The following NAALADL2 variants were observed in gnomAD, a reference collection of about 807,000 sequenced individuals.
NAALADL2 encodes inactive N-acetylated-alpha-linked acidic dipeptidase-like protein 2.
In NAALADL2, 76 loss-of-function variants were observed where a neutral mutation model predicts 87.2. That is an observed-to-expected ratio of 0.87 (90% CI 0.72 to 1.05). NAALADL2 has a LOEUF of 1.05. Ranked by LOEUF, NAALADL2 falls within the 50% of genes least tolerant of loss-of-function variation. NAALADL2 has a pLI of 0.00. For synonymous variants in NAALADL2, 354 were observed against 331.0 expected (o/e 1.07, Z -0.75); for missense variants, 1,089 against 945.8 (o/e 1.15, Z -1.99).
chr3:175,167,787 C>T (rs920557651), intron 2 of NAALADL2, among the ~76,000 whole-genome samples: 2 of 152,028 alleles, frequency 1.3e-5, no homozygotes, highest in Non-Finnish European at 1.5e-5. Flanking sequence ...TTTTCTCAGG[C>T]CAGACTTTCC....
At chr3:175,802,315 A>G (rs1250134347) in intron 13 of NAALADL2, among the ~76,000 whole-genome samples, 1 of 140,062 alleles carries the variant, frequency 7.1e-6, no homozygotes, top group Non-Finnish European at 1.5e-5. Context: ...ATGCTTTGTG[A>G]TTGATTTTTT....
intron 1 of NAALADL2, among the ~76,000 whole-genome samples, chr3:174,520,528 A>G (rs1948863415): frequency 6.6e-6 from 1 of 152,120 alleles, no homozygotes; most frequent in Non-Finnish European, 1.5e-5. Flanking sequence ...ATGAAACTGA[A>G]CCCGTATCTC....
At chr3:174,948,539 T>C (rs1414872637) in intron 1 of NAALADL2, among the ~76,000 whole-genome samples, 2 of 152,224 alleles carry the variant, frequency 1.3e-5, no homozygotes, top group Admixed American at 6.5e-5. Flanking sequence ...TTTTGTCTGG[T>C]ACTTTATTGT....
chr3:175,517,474 T>G (rs182337036), intron 9 of NAALADL2, among the ~76,000 whole-genome samples: 1 of 152,318 alleles, frequency 6.6e-6, no homozygotes, highest in East Asian at 1.9e-4. Context: ...AACTAAATTT[T>G]TGACACATAT....
intron 5 of NAALADL2, among the ~76,000 whole-genome samples, chr3:175,408,711 T>TATC (rs375452788): frequency 6.6e-6 from 1 of 152,054 alleles, no homozygotes; most frequent in Non-Finnish European, 1.5e-5. Flanking sequence ...ATAAACATGT[T>TATC]ATCATCTCTT....
At chr3:175,538,706 A>G (rs1050329160) in intron 9 of NAALADL2, among the ~76,000 whole-genome samples, 1 of 152,188 alleles carries the variant, frequency 6.6e-6, no homozygotes, top group African/African-American at 2.4e-5. Flanking sequence ...ACCTATGTAA[A>G]TTTTTAACTT....
intron 5 of NAALADL2, among the ~76,000 whole-genome samples, chr3:175,441,986 G>T (rs1719855068): frequency 6.6e-6 from 1 of 152,002 alleles, no homozygotes; most frequent in South Asian, 2.1e-4. Flanking sequence ...CTTTTGCCCA[G>T]ATTAGAGTGC....
At chr3:175,126,257 A>G (rs1047356222) in intron 2 of NAALADL2, among the ~76,000 whole-genome samples, 1 of 152,166 alleles carries the variant, frequency 6.6e-6, no homozygotes, top group African/African-American at 2.4e-5. Context: ...CGATTGACTT[A>G]GGAAAAAAAG....
chr3:174,775,598 A>G (rs1715111031), intron 3 of NAALADL2, among the ~76,000 whole-genome samples: 1 of 108,324 alleles, frequency 9.2e-6, no homozygotes, highest in Non-Finnish European at 2.2e-5. Flanking sequence ...TTAGTAAACC[A>G]ATGGCTTGTT....
intron 11 of NAALADL2, among the ~76,000 whole-genome samples, chr3:175,654,076 T>C (rs1731136468): frequency 6.6e-6 from 1 of 152,190 alleles, no homozygotes. Context: ...CCCCTGGATT[T>C]TATCATTTCC....
chr3:174,656,136 A>G (rs920195294), intron 2 of NAALADL2, among the ~76,000 whole-genome samples: 2 of 152,248 alleles, frequency 1.3e-5, no homozygotes, highest in Admixed American at 6.5e-5. Context: ...AACATTTTAT[A>G]TCAATGGAGC....
At chr3:175,342,590 A>G (rs1299512916) in intron 5 of NAALADL2, among the ~76,000 whole-genome samples, 1 of 151,934 alleles carries the variant, frequency 6.6e-6, no homozygotes, top group Admixed American at 6.6e-5. Context: ...AAGTCTCCGG[A>G]GGTGCTCTGG....
chr3:174,637,742 C>T (rs937091872), intron 2 of NAALADL2, among the ~76,000 whole-genome samples: 10 of 151,926 alleles, frequency 6.6e-5, no homozygotes, highest in South Asian at 2.1e-4. Context: ...AAATACAAAA[C>T]GGTACATTTA....
intron 5 of NAALADL2, among the ~76,000 whole-genome samples, chr3:175,387,010 A>T (rs9857425): frequency 0.27 from 40,311 of 152,056 alleles, 5,645 homozygotes; most frequent in East Asian, 0.47. Context: ...ACTTATTCTA[A>T]AGTTGTTAAG....
intron 2 of NAALADL2, among the ~76,000 whole-genome samples, chr3:175,169,456 AATAT>A (rs141242519): frequency 6.8e-6 from 1 of 147,032 alleles, no homozygotes; most frequent in Non-Finnish European, 1.5e-5. Context: ...TAGTTGTAAG[AATAT>A]ATATATATAT....
chr3:174,779,277 C>A (rs1192181577), intron 3 of NAALADL2, among the ~76,000 whole-genome samples: 1 of 151,688 alleles, frequency 6.6e-6, no homozygotes, highest in Non-Finnish European at 1.5e-5. Flanking sequence ...TAAATGTCTT[C>A]TTTTGAGAAG....
At chr3:175,342,029 A>G (rs1762615792) in intron 5 of NAALADL2, among the ~76,000 whole-genome samples, 1 of 152,122 alleles carries the variant, frequency 6.6e-6, no homozygotes, top group African/African-American at 2.4e-5. Context: ...ATTGATCTAT[A>G]TGTCTGTCCT....
rs1223029494 is a variant in NAALADL2 at position 175,808,796 on chromosome 3, C to T, written c.*5593C>T. The T allele has an allele frequency of 2.0e-5, 3 of 152,050 alleles. No individual in the cohort carries two copies. Among genetic ancestry groups the T allele is most frequent in the African/African-American group, 7.2e-5 (3 of 41,506 alleles). 9.4% of individuals were successfully genotyped at this position (152,050 alleles called of 1,614,324 possible). On this transcript the variant is annotated 3_prime_UTR_variant, in exon 14 of 14. Coordinates refer to ENST00000454872, the MANE Select transcript of NAALADL2 (RefSeq NM_207015.3). The stretch of plus-strand genomic sequence containing the variant: ...TTGAAGTTAATGTCGGTCTTTTGTT[C>T]TAATTAAAGTACAAACGTGGCATCT...
chr3:174,727,082 ATATCT>A (rs1457334998), intron 2 of NAALADL2, among the ~76,000 whole-genome samples: 2 of 152,066 alleles, frequency 1.3e-5, no homozygotes, highest in African/African-American at 4.8e-5. Context: ...CTTGAAACTA[ATATCT>A]TAATTTTTAT....
Sources: allele counts gnomAD v4.1 joint callset (sites outside exome capture counted in the v4.1 genomes callset), GRCh38; gene constraint gnomAD v4.1.1; transcripts MANE v1.5; gene names NCBI Gene and HGNC (gene_info 2026-07-23, HGNC 2026-07-21).